The following THSD7A variants were observed in gnomAD, a reference collection of about 807,000 sequenced individuals.
The protein encoded by THSD7A is thrombospondin type-1 domain-containing protein 7A.
Under a neutral mutation model 231.3 loss-of-function variants are expected in THSD7A, and 96 were observed. The observed-to-expected ratio is 0.41, with a 90% CI of 0.35 to 0.49. THSD7A has a LOEUF of 0.49. Among genes scored for constraint, THSD7A ranks in the 20% least tolerant of loss-of-function variants. The pLI is 0.05. For missense variants in THSD7A, 2,290 were observed against 2,070.2 expected (o/e 1.11, Z -2.06); for synonymous variants, 940 against 743.3 (o/e 1.26, Z -4.30).
intron 1 of THSD7A, among the ~76,000 whole-genome samples, chr7:11,692,894 T>G (rs1254371918): frequency 1.3e-5 from 2 of 151,542 alleles, no homozygotes; most frequent in African/African-American, 4.8e-5. Context: ...TATGATCAAG[T>G]CTATGGCTTC....
intron 1 of THSD7A, among the ~76,000 whole-genome samples, chr7:11,675,562 G>A (rs1401969286): frequency 3.3e-5 from 5 of 152,292 alleles, no homozygotes; most frequent in Middle Eastern, 3.4e-3. Flanking sequence ...GACCTGGGAT[G>A]CTCCAGCTTG....
intron 2 of THSD7A, among the ~76,000 whole-genome samples, chr7:11,599,563 A>G (rs1463860979): frequency 6.6e-6 from 1 of 152,154 alleles, no homozygotes; most frequent in East Asian, 1.9e-4. Flanking sequence ...GTATTTAAGT[A>G]TTGTTAACTT....
chr7:11,773,515 AG>A (rs1479361080), intron 1 of THSD7A, among the ~76,000 whole-genome samples: 1 of 152,196 alleles, frequency 6.6e-6, no homozygotes, highest in Non-Finnish European at 1.5e-5. Flanking sequence ...CTGAGCAATA[AG>A]AGCGAGACTC....
At chr7:11,385,892 C>T (rs117681183) in intron 23 of THSD7A, among the ~76,000 whole-genome samples, 10,012 of 151,956 alleles carry the variant, frequency 0.066, 473 homozygotes, top group East Asian at 0.15. Flanking sequence ...TCACAGGAAC[C>T]GGTGTGTGAT....
chr7:11,636,632 A>G lies in THSD7A; in HGVS notation c.520T>C (p.Cys174Arg). 6.2e-7 allele frequency: 1 copy of G among 1,614,028 alleles called. No homozygotes were observed. Among genetic ancestry groups the G allele is most frequent in the East Asian group, 2.2e-5 (1 of 44,876 alleles). Residue 174 changes from cysteine (C) to arginine (R), a missense_variant, in exon 2 of 28, where the codon TGT (cysteine) becomes CGT (arginine). Cys to Arg is a radical substitution (Grantham distance 180). Transcript: ENST00000423059. This position sits in a 1 kb window ranked among gnomAD's most constrained non-coding sequence, Gnocchi z 10.0. Reference protein sequence around the residue: ...DKDIPAEDIICEYFEPKPLLE... With the variant: ...DKDIPAEDIIREYFEPKPLLE... Reference sequence around the variant, plus strand: ...AGAGGCTTGGGCTCAAAGTACTCACAGATGATATCCTCCGCAGGAATGTCT... The same window carrying G: ...AGAGGCTTGGGCTCAAAGTACTCACGGATGATATCCTCCGCAGGAATGTCT...
intron 1 of THSD7A, among the ~76,000 whole-genome samples, chr7:11,822,663 C>G (rs774392321): frequency 1.8e-4 from 28 of 151,998 alleles, no homozygotes; most frequent in Non-Finnish European, 3.4e-4. Flanking sequence ...TACATTCCCA[C>G]CAATCATGTA....
chr7:11,719,240 C>T (rs1781258205), intron 1 of THSD7A, among the ~76,000 whole-genome samples: 2 of 151,412 alleles, frequency 1.3e-5, no homozygotes, highest in Admixed American at 1.3e-4. Flanking sequence ...TAAAACTAGA[C>T]TGTCTCATAT....
Position 11,371,074 on chromosome 7 carries a change from A to G in THSD7A, c.*4720T>C, listed in dbSNP as rs995901088. On this transcript the variant is annotated 3_prime_UTR_variant, in exon 28 of 28. Transcript: ENST00000423059. The stretch of plus-strand genomic sequence containing the variant: ...ACTGAAAACATGACTCCCACAAACT[A>G]AAGCTCTTCATATACTGCCCATTTT... The G allele has an allele frequency of 6.6e-6, 1 of 152,224 alleles. No individual in the cohort carries two copies. The highest frequency in any genetic ancestry group is 1.9e-4 in the East Asian group (1 of 5,204). The allele number at this position is 152,224 out of a possible 1,614,324, so 9.4% of individuals were successfully genotyped here. A position where few individuals can be genotyped will look rare whatever the true frequency, so the allele number is the denominator to read the frequency against.
Position 11,379,289 on chromosome 7 carries a change from GA to G in THSD7A, c.4591-10del. On this transcript the variant is annotated splice_polypyrimidine_tract_variant and intron_variant, in intron 25 of 27. Transcript: ENST00000423059. ...CAATGGCATGTTTTTGTCTGCAGGAGAACAAGAAGATTTATACTAGCCATGC... is the reference window on the plus strand; with the variant it reads ...CAATGGCATGTTTTTGTCTGCAGGAGACAAGAAGATTTATACTAGCCATGC... 1 of 1,613,096 alleles carries G rather than the reference GA, an allele frequency of 6.2e-7. No individual in the cohort carries two copies. Among genetic ancestry groups the G allele is most frequent in the South Asian group, 1.1e-5 (1 of 91,026 alleles).
chr7:11,506,155 C>T (rs1294054488), intron 6 of THSD7A, among the ~76,000 whole-genome samples: 1 of 151,526 alleles, frequency 6.6e-6, no homozygotes, highest in Non-Finnish European at 1.5e-5. Context: ...CCACGCCTGG[C>T]TAATTTTTTG....
chr7:11,478,014 GTAC>G (rs1294407820), intron 7 of THSD7A, among the ~76,000 whole-genome samples: 1 of 152,074 alleles, frequency 6.6e-6, no homozygotes. Context: ...ACCACAGAGT[GTAC>G]TAGTTTTCTT....
At chr7:11,625,096 T>A (rs929733975) in intron 2 of THSD7A, among the ~76,000 whole-genome samples, 7 of 152,124 alleles carry the variant, frequency 4.6e-5, no homozygotes, top group Non-Finnish European at 8.8e-5. Flanking sequence ...AGAGTTAGGA[T>A]GTACATCTCT....
chr7:11,619,419 T>C (rs1781229808), intron 2 of THSD7A, among the ~76,000 whole-genome samples: 1 of 145,656 alleles, frequency 6.9e-6, no homozygotes, highest in African/African-American at 2.7e-5. Flanking sequence ...TTTTTTTTTT[T>C]GCTTTAAGAG....
rs577858213 is a variant in THSD7A at position 11,636,847 on chromosome 7, G to A, written c.305C>T (p.Ala102Val). Residue 102 changes from alanine (A) to valine (V), a missense_variant, in exon 2 of 28, where the codon GCC (alanine) becomes GTC (valine). Transcript: ENST00000423059. The surrounding 1 kb of genome is among the most constrained non-coding windows in gnomAD (Gnocchi z 10.0). ...ATTCTGCTGGTTATTGGGTCTCTCGGCCTGCTTACAGTTAGTATGCAGTGT... is the reference window on the plus strand; with the variant it reads ...ATTCTGCTGGTTATTGGGTCTCTCGACCTGCTTACAGTTAGTATGCAGTGT... ...WTTLHTNCKQ[A>V]ERPNNQQNCF... 3.7e-6 allele frequency: 6 copies of A among 1,613,874 alleles called. No homozygotes were observed. The highest frequency in any genetic ancestry group is 4.5e-5 in the East Asian group (2 of 44,862).
intron 23 of THSD7A, chr7:11,383,654 A>G (rs1387612559): frequency 6.6e-6 from 1 of 151,886 alleles, no homozygotes; most frequent in Non-Finnish European, 1.5e-5. Flanking sequence ...ATGGAAAGTT[A>G]TCTTGTCATT....
intron 4 of THSD7A, among the ~76,000 whole-genome samples, chr7:11,567,266 C>A (rs1234564689): frequency 1.3e-5 from 2 of 151,478 alleles, no homozygotes; most frequent in African/African-American, 2.4e-5. Flanking sequence ...AAGACACTTC[C>A]CCCTCAAGGC....
chr7:11,414,138 G>A (rs1783881514), intron 17 of THSD7A: 1 of 152,248 alleles, frequency 6.6e-6, no homozygotes, highest in Admixed American at 6.5e-5. Flanking sequence ...GTTACAGCCT[G>A]ACACTGCCTC....
intron 6 of THSD7A, among the ~76,000 whole-genome samples, chr7:11,507,378 A>C (rs1787595656): frequency 6.6e-6 from 1 of 152,208 alleles, no homozygotes; most frequent in Non-Finnish European, 1.5e-5. Flanking sequence ...TAGTGACTTT[A>C]TATATTGTTA....
chr7:11,483,304 C>A (rs750033649), intron 6 of THSD7A, among the ~76,000 whole-genome samples: 3 of 152,218 alleles, frequency 2.0e-5, no homozygotes, highest in South Asian at 2.1e-4. Context: ...GCTTGCAGAG[C>A]CTTTAATCAT....
Sources: gnomAD v4.1 joint callset for allele counts (sites outside exome capture counted in the v4.1 genomes callset) on GRCh38, gnomAD v4.1.1 for gene constraint, Gnocchi (gnomAD v3.1) non-coding constraint, MANE v1.5 for transcripts, NCBI Gene and HGNC (gene_info 2026-07-23, HGNC 2026-07-21) for gene names.